OR3A2: variants seen among roughly 807,000 people sequenced by gnomAD.
OR3A2 encodes olfactory receptor 3A2.
For synonymous variants in OR3A2, 126 were observed against 159.3 expected, an observed-to-expected ratio of 0.79 and a Z score of 1.57; for missense variants, 318 against 392.8, an observed-to-expected ratio of 0.81 and a Z score of 1.61.
chr17:3,307,324 C>T (rs1380898289), intron 3 of OR3A2, among the ~76,000 whole-genome samples: 2 of 152,226 alleles, frequency 1.3e-5, no homozygotes, highest in Non-Finnish European at 2.9e-5. Flanking sequence ...TCTATTTGAG[C>T]TCTGCAACTT....
At chr17:3,367,095 C>T (rs920112356) in intron 2 of OR3A2, among the ~76,000 whole-genome samples, 10 of 152,212 alleles carry the variant, frequency 6.6e-5, no homozygotes, top group African/African-American at 2.4e-4. Context: ...GCCAGTCCCA[C>T]TGGCTCACAA....
At chr17:3,354,175 G>C (rs1297497634) in intron 2 of OR3A2, among the ~76,000 whole-genome samples, 1 of 147,660 alleles carries the variant, frequency 6.8e-6, no homozygotes, top group South Asian at 2.1e-4. Flanking sequence ...TCTGTTTTTG[G>C]TATCAGAGTA....
intron 2 of OR3A2, among the ~76,000 whole-genome samples, chr17:3,369,822 G>C (rs1182344741): frequency 2.2e-5 from 1 of 45,248 alleles, no homozygotes; most frequent in Non-Finnish European, 4.3e-5. Flanking sequence ...TTTTTTTTTT[G>C]AGGCAAGCTC....
intron 1 of OR3A2, among the ~76,000 whole-genome samples, chr17:3,280,783 T>A (rs1431054032): frequency 6.6e-6 from 1 of 152,062 alleles, no homozygotes; most frequent in Non-Finnish European, 1.5e-5. Flanking sequence ...ATTAAGGAGG[T>A]TCCAGAAATC....
intron 2 of OR3A2, among the ~76,000 whole-genome samples, chr17:3,337,960 C>T (rs917465428): frequency 2.0e-5 from 3 of 152,126 alleles, no homozygotes; most frequent in South Asian, 2.1e-4. Context: ...TTTTAATGAT[C>T]GCCATTCTAA....
chr17:3,340,874 C>T (rs897524798), intron 2 of OR3A2, among the ~76,000 whole-genome samples: 1 of 152,178 alleles, frequency 6.6e-6, no homozygotes, highest in African/African-American at 2.4e-5. Flanking sequence ...GTGTTAAAGT[C>T]TCCCATTATT....
At chr17:3,321,804 G>A (rs892268569) in intron 3 of OR3A2, among the ~76,000 whole-genome samples, 1 of 152,092 alleles carries the variant, frequency 6.6e-6, no homozygotes, top group African/African-American at 2.4e-5. Context: ...GAGGATTTTT[G>A]CATCAATGTT....
upstream of OR3A2, among the ~76,000 whole-genome samples, chr17:3,286,884 A>G (rs2048818108): frequency 6.6e-6 from 1 of 152,102 alleles, no homozygotes. Context: ...GTTCACTCTG[A>G]TGGTAGTTTC....
intron 3 of OR3A2, among the ~76,000 whole-genome samples, chr17:3,318,731 T>C (rs574430340): frequency 4.6e-5 from 7 of 152,346 alleles, no homozygotes; most frequent in African/African-American, 1.4e-4. Context: ...CATAATTTGA[T>C]GTGTTTTTTC....
At chr17:3,277,802 G>T in exon 2 of OR3A2, 1 of 720,850 alleles carries the variant, frequency 1.4e-6, no homozygotes, top group Non-Finnish European at 2.3e-6. Context: ...AGTATTTGTT[G>T]AATGAATAAA....
chr17:3,322,682 T>C (rs1481829133), intron 3 of OR3A2, among the ~76,000 whole-genome samples: 2 of 152,182 alleles, frequency 1.3e-5, no homozygotes, highest in Non-Finnish European at 2.9e-5. Flanking sequence ...TTGAGTGGTT[T>C]TGAGTGAGTT....
At chr17:3,289,765 G>A (rs1055317435) in intron 3 of OR3A2, among the ~76,000 whole-genome samples, 1 of 152,204 alleles carries the variant, frequency 6.6e-6, no homozygotes, top group Non-Finnish European at 1.5e-5. Context: ...GTGAATGAGA[G>A]AAGGGATGAG....
At position 3,351,043 on chromosome 17, in the gene OR3A2, A is replaced by G. The variant is rs2049415864; in HGVS notation, c.-178-14917T>C. Among the ~76,000 whole-genome samples, 3 of 151,934 alleles carry G rather than the reference A, an allele frequency of 2.0e-5. No individual in the cohort carries two copies. In the South Asian group the frequency reaches 6.2e-4, roughly 32 times the overall value. Reference sequence around the variant, plus strand: ...TTGGTGGGACGTATTTCAAAATAATAAGAGCTATCTATGACAAACCCACAG... The same window carrying G: ...TTGGTGGGACGTATTTCAAAATAATGAGAGCTATCTATGACAAACCCACAG... On this transcript the variant is annotated intron_variant, in intron 2 of 4. Transcript: ENST00000573491.
At chr17:3,321,453 G>C (rs997983858) in intron 3 of OR3A2, among the ~76,000 whole-genome samples, 1 of 151,388 alleles carries the variant, frequency 6.6e-6, no homozygotes, top group Non-Finnish European at 1.5e-5. Flanking sequence ...TCCCTGTCTT[G>C]TGCCAGTTTT....
intron 2 of OR3A2, among the ~76,000 whole-genome samples, chr17:3,380,432 A>G (rs1303488136): frequency 1.3e-5 from 2 of 152,118 alleles, no homozygotes; most frequent in Non-Finnish European, 2.9e-5. Context: ...TGTCTATGAC[A>G]TGGGTGTTGG....
chr17:3,284,244 TA>T (rs2048794040), intron 1 of OR3A2, 113 bp downstream of exon 3: 1 of 151,208 alleles, frequency 6.6e-6, no homozygotes, highest in Non-Finnish European at 1.5e-5. Context: ...GGTCTTCCCC[TA>T]AATGGCTTTC....
intron 3 of OR3A2, among the ~76,000 whole-genome samples, chr17:3,325,203 A>ATTTTTT (rs61124691): frequency 6.4e-5 from 7 of 108,588 alleles, no homozygotes; most frequent in Middle Eastern, 5.3e-3. Flanking sequence ...GATCCTTCCA[A>ATTTTTT]TTTTTTTTTT....
rs139677948 is a variant in OR3A2 at position 3,291,767 on chromosome 17, G to T, written c.-84-12614C>A. On this transcript the variant is annotated intron_variant, in intron 3 of 4. Coordinates refer to the OR3A2 transcript ENST00000573491. ...TGAAAATTCCAACAGCTTTATCCTT[G>T]TCTGAAAGCTTGGTTGAACCCAGTC... The T allele has an allele frequency of 1.9e-6, 3 of 1,613,678 alleles. No homozygotes were observed. The highest frequency in any genetic ancestry group is 1.7e-5 in the Admixed American group (1 of 59,998).
At chr17:3,299,609 C>G (rs12603021) in intron 3 of OR3A2, among the ~76,000 whole-genome samples, 1 of 152,142 alleles carries the variant, frequency 6.6e-6, no homozygotes. Context: ...GTCCTACTCC[C>G]TGTTCAAACA....
Sources: allele counts gnomAD v4.1 joint callset (sites outside exome capture counted in the v4.1 genomes callset), GRCh38; gene constraint gnomAD v4.1.1; transcripts MANE v1.5; gene names NCBI Gene and HGNC (gene_info 2026-07-23, HGNC 2026-07-21).